Variants in MAN2A1 observed in about 807,000 individuals in gnomAD.
MAN2A1 encodes the protein alpha-mannosidase 2.
A neutral mutation model predicts 142.6 loss-of-function variants in MAN2A1; 76 were observed. The observed-to-expected ratio is 0.53, with a 90% confidence interval of 0.44 to 0.65. The LOEUF is 0.65. Among genes scored for constraint, MAN2A1 ranks in the 30% least tolerant of loss-of-function variants. The pLI is 0.00. For missense variants in MAN2A1, 1,311 were observed against 1,365.1 expected, an observed-to-expected ratio of 0.96 and a Z score of 0.62; for synonymous variants, 559 against 473.2, an observed-to-expected ratio of 1.18 and a Z score of -2.35.
chr5:109,710,881 G>A (rs1280297970), intron 1 of MAN2A1, among the ~76,000 whole-genome samples: 1 of 152,112 alleles, frequency 6.6e-6, no homozygotes, highest in African/African-American at 2.4e-5. Context: ...GTAGAGACGG[G>A]GTTTCTCCAT....
rs993413203 is a variant in MAN2A1 at position 109,721,000 on chromosome 5, G to T, written c.535+4736G>T. On this transcript the variant is annotated intron_variant, in intron 3 of 21. Transcript: ENST00000261483. ...GTTTCTGGAGCTAAAATCGTATGCG[G>T]AACAACTGAGTTCTGGCATTTATTG... Among the ~76,000 whole-genome samples the T allele has an allele frequency of 7.2e-5, 11 of 152,212 alleles. 1 individual carries two copies. Among genetic ancestry groups the T allele is most frequent in the Non-Finnish European group, 1.0e-4 (7 of 68,026 alleles).
intron 12 of MAN2A1, among the ~76,000 whole-genome samples, chr5:109,791,765 G>A (rs989411504): frequency 2.2e-4 from 33 of 151,850 alleles, no homozygotes; most frequent in African/African-American, 8.0e-4. Context: ...AATTGTATGT[G>A]GGTGATTAGT....
intron 8 of MAN2A1, 30 bp downstream of exon 8, chr5:109,774,995 T>A: frequency 6.9e-7 from 1 of 1,458,898 alleles, no homozygotes; most frequent in South Asian, 1.2e-5. Flanking sequence ...GATTCCGTAT[T>A]TGAAATTGAA....
chr5:109,744,175 G>A (rs1322321842), intron 4 of MAN2A1, among the ~76,000 whole-genome samples: 2 of 152,098 alleles, frequency 1.3e-5, no homozygotes, highest in African/African-American at 4.8e-5. Context: ...CTCCAGAAAT[G>A]TAGGAGGTAA....
At chr5:109,798,764 C>T (rs1753933330) in intron 12 of MAN2A1, among the ~76,000 whole-genome samples, 1 of 152,174 alleles carries the variant, frequency 6.6e-6, no homozygotes, top group Non-Finnish European at 1.5e-5. Flanking sequence ...TTACTGCAAG[C>T]TCCGCCTCCC....
chr5:109,802,569 A>G (rs1161055343), intron 12 of MAN2A1, among the ~76,000 whole-genome samples: 3 of 152,164 alleles, frequency 2.0e-5, no homozygotes, highest in South Asian at 4.1e-4. Context: ...ATTCTTCTAA[A>G]TGGCATTGAT....
chr5:109,776,161 T>G (rs916520862), intron 8 of MAN2A1, among the ~76,000 whole-genome samples: 1 of 151,918 alleles, frequency 6.6e-6, no homozygotes. Flanking sequence ...TATTGACATG[T>G]AAAAGTAGAA....
chr5:109,842,378 G>A lies in MAN2A1; in HGVS notation c.2617G>A (p.Val873Ile), dbSNP rs748771831. The change falls in exon 17 of 22, where the codon GTA (valine) becomes ATA (isoleucine). Residue 873 changes from valine to isoleucine, a missense_variant. This residue lies in a region of MAN2A1 where 890 missense variants were observed against 920.5 expected (regional missense o/e 0.97). Transcript: ENST00000261483. ...TTCCAATATTGTGGACATCCGAAAAGTATATAACCGTGAGATTGCAATGAA... is the reference window on the plus strand; with the variant it reads ...TTCCAATATTGTGGACATCCGAAAAATATATAACCGTGAGATTGCAATGAA... ...EVSNIVDIRKVYNREIAMKIS... is the reference protein window; with the variant it reads ...EVSNIVDIRKIYNREIAMKIS... The A allele has an allele frequency of 6.9e-6, 11 of 1,594,426 alleles. No individual in the cohort carries two copies. The African/African-American group carries it at 1.2e-4, about 18-fold the overall frequency.
At chr5:109,766,683 G>C (rs1753000727) in intron 5 of MAN2A1, among the ~76,000 whole-genome samples, 1 of 151,590 alleles carries the variant, frequency 6.6e-6, no homozygotes, top group Non-Finnish European at 1.5e-5. Flanking sequence ...TGCTTAAAAG[G>C]TGTTTGAATG....
chr5:109,812,186 T>C (rs1754338339), intron 12 of MAN2A1, among the ~76,000 whole-genome samples: 2 of 152,144 alleles, frequency 1.3e-5, no homozygotes, highest in African/African-American at 4.8e-5. Context: ...TAATCTTGTT[T>C]CCCGATTTTA....
At chr5:109,803,021 C>T (rs932663996) in intron 12 of MAN2A1, among the ~76,000 whole-genome samples, 1 of 152,020 alleles carries the variant, frequency 6.6e-6, no homozygotes, top group African/African-American at 2.4e-5. Context: ...TTACCAGTCT[C>T]ACACATTGAT....
chr5:109,756,997 C>T (rs1056940769), intron 5 of MAN2A1, among the ~76,000 whole-genome samples: 1 of 152,174 alleles, frequency 6.6e-6, no homozygotes, highest in Admixed American at 6.5e-5. Flanking sequence ...GTCACAGTTT[C>T]GTGCTGGAGC....
chr5:109,864,197 G>A (rs774367595), intron 20 of MAN2A1: 2 of 152,154 alleles, frequency 1.3e-5, no homozygotes, highest in Non-Finnish European at 2.9e-5. Flanking sequence ...TTCAAAAACT[G>A]TATGTTTCTT....
chr5:109,727,772 A>T (rs1328644009), intron 3 of MAN2A1, among the ~76,000 whole-genome samples: 1 of 152,078 alleles, frequency 6.6e-6, no homozygotes, highest in Non-Finnish European at 1.5e-5. Context: ...GTCATCAGGG[A>T]GTTAGGGCAT....
rs199620919 is a variant in MAN2A1, at chr5:109,860,377, A to T, written c.3172-4659A>T. On this transcript the variant is annotated intron_variant, in intron 20 of 21. Coordinates refer to ENST00000261483, the MANE Select transcript of MAN2A1 (RefSeq NM_002372.4). ...CTTAGGACTTATAATGAAGCATGTA[A>T]TTTTCTAACCTTTCCAGCTGCCAGA... Among the ~76,000 whole-genome samples, 31 of 152,248 alleles carry T rather than the reference A, an allele frequency of 2.0e-4. 1 individual carries two copies. In the East Asian group the frequency reaches 5.8e-3, roughly 28 times the overall value.
chr5:109,720,057 A>G lies in MAN2A1; in HGVS notation c.535+3793A>G, dbSNP rs1288592167. 3.3e-5 allele frequency among the ~76,000 whole-genome samples: 5 copies of G among 152,314 alleles called. No individual in the cohort carries two copies. The South Asian group carries it at 6.2e-4, about 19-fold the overall frequency. ...TATTTAATAAGCTGATTAAAACACA[A>G]TTACAGCACCTCTGTATCTATAATC... On this transcript the variant is annotated intron_variant, in intron 3 of 21. Transcript: ENST00000261483.
chr5:109,775,143 C>T (rs539848375), intron 8 of MAN2A1, among the ~76,000 whole-genome samples, 178 bp downstream of exon 8: 2 of 152,244 alleles, frequency 1.3e-5, no homozygotes, highest in South Asian at 4.1e-4. Context: ...AGTTCCATAT[C>T]TAAAGTTGTC....
intron 10 of MAN2A1, among the ~76,000 whole-genome samples, chr5:109,785,956 C>T (rs1753585261): frequency 1.3e-5 from 2 of 151,984 alleles, no homozygotes; most frequent in South Asian, 4.1e-4. Context: ...TGACTCACGA[C>T]TTATATTACT....
Position 109,819,751 on chromosome 5 carries a change from C to G in MAN2A1, c.2192C>G (p.Ala731Gly). 6.2e-7 allele frequency: 1 copy of G among 1,611,210 alleles called. No individual in the cohort carries two copies. The highest frequency in any genetic ancestry group is 8.5e-7 in the Non-Finnish European group (1 of 1,178,110). ...LESASSNSHL[A>G]DYVLYKNKVE... ...TCAGCAAGTTCAAATTCACATTTAG[C>G]TGATTATGTCTTGTATAAGAATAAA... Residue 731 changes from alanine (A) to glycine (G), a missense_variant, in exon 14 of 22, where the codon GCT (alanine) becomes GGT (glycine). Coordinates refer to ENST00000261483, the MANE Select transcript of MAN2A1 (RefSeq NM_002372.4).
Sources: allele counts gnomAD v4.1 joint callset (sites outside exome capture counted in the v4.1 genomes callset), GRCh38; gene constraint gnomAD v4.1.1; regional missense constraint gnomAD v4.1.1; transcripts MANE v1.5; gene names NCBI Gene and HGNC (gene_info 2026-07-23, HGNC 2026-07-21).